The following AFAP1L2 variants were observed in gnomAD, a reference collection of about 807,000 sequenced individuals.
The protein encoded by AFAP1L2 is actin filament-associated protein 1-like 2.
In AFAP1L2, 46 loss-of-function variants were observed where a neutral mutation model predicts 99.3. The observed-to-expected ratio is 0.46, with a 90% confidence interval of 0.37 to 0.59. The LOEUF (loss-of-function observed/expected upper bound fraction) is 0.59. AFAP1L2 is among the 20% of genes least tolerant of loss of function. The probability of loss-of-function intolerance (pLI) is 0.00; values close to 1 mark genes in which losing one functional copy is unlikely to be tolerated. For missense variants in AFAP1L2, 959 were observed against 1,034.9 expected, an observed-to-expected ratio of 0.93 and a Z score of 1.01; for synonymous variants, 397 against 419.1, an observed-to-expected ratio of 0.95 and a Z score of 0.64.
the AFAP1L2 span, among the ~76,000 whole-genome samples, chr10:114,281,972 A>T: frequency 6.7e-6 from 1 of 150,308 alleles, no homozygotes; most frequent in Non-Finnish European, 1.5e-5. Context: ...GGGGTTTTGC[A>T]TGTGGATGTC....
chr10:114,287,843 T>C, the AFAP1L2 span, among the ~76,000 whole-genome samples: 21 of 152,362 alleles, frequency 1.4e-4, 1 homozygote, highest in East Asian at 1.3e-3. Context: ...GATACATCAT[T>C]ATTTAGTGAA....
Position 114,299,336 on chromosome 10 carries a change from C to T in AFAP1L2, c.2037G>A (p.Lys679=), listed in dbSNP as rs41314501. Residue 679 remains lysine (K), a synonymous_variant, in exon 16 of 19, where the codon AAG becomes AAA. Transcript: ENST00000304129. ...TEEKERLEKK[K]EEIRGHLAQL... The stretch of plus-strand genomic sequence containing the variant: ...GAGCCAGGTGCCCCCGGATTTCTTC[C>T]TTCTTCTTTTCAAGCCTCTCCTTCT... 29,800 of 1,614,192 alleles carry T rather than the reference C, an allele frequency of 0.018. 448 individuals carry two copies. Among genetic ancestry groups the T allele is most frequent in the Non-Finnish European group, 0.02 (24,132 of 1,180,020 alleles).
At chr10:114,350,905 C>T (rs2050372777) in intron 1 of AFAP1L2, among the ~76,000 whole-genome samples, 1 of 152,196 alleles carries the variant, frequency 6.6e-6, no homozygotes, top group Admixed American at 6.5e-5. Flanking sequence ...GACAAAGAGG[C>T]TTTGGGTCCC....
intron 1 of AFAP1L2, among the ~76,000 whole-genome samples, chr10:114,387,608 C>T (rs910982171): frequency 1.3e-5 from 2 of 152,158 alleles, no homozygotes; most frequent in Non-Finnish European, 2.9e-5. Flanking sequence ...CTACAAATCC[C>T]CAAGGAAAAA....
At chr10:114,342,777 G>A (rs991577147) in intron 1 of AFAP1L2, among the ~76,000 whole-genome samples, 2 of 152,206 alleles carry the variant, frequency 1.3e-5, no homozygotes, top group East Asian at 1.9e-4. Context: ...TAACGAGTTC[G>A]TGTTGCTTTA....
In AFAP1L2 at chr10:114,374,932, T is replaced by A. The variant is rs899794241; in HGVS notation, c.16+29508A>T. On this transcript the variant is annotated intron_variant, in intron 1 of 18. Coordinates refer to ENST00000304129, the MANE Select transcript of AFAP1L2 (RefSeq NM_001001936.3). ...GCTTTGGTGAGAAGGGAGTTTGTCA[T>A]TAGACCAGACATAACCTGCATATTC... 2.0e-4 allele frequency among the ~76,000 whole-genome samples: 30 copies of A among 152,052 alleles called. 1 individual carries two copies. Among genetic ancestry groups the A allele is most frequent in the African/African-American group, 7.2e-4 (30 of 41,396 alleles).
intron 1 of AFAP1L2, among the ~76,000 whole-genome samples, chr10:114,394,976 C>T (rs906108509): frequency 6.6e-6 from 1 of 152,092 alleles, no homozygotes; most frequent in Non-Finnish European, 1.5e-5. Flanking sequence ...ATGCACGCCA[C>T]GATCCTCAGC....
the AFAP1L2 span, chr10:114,288,919 C>A: frequency 1.3e-6 from 2 of 1,584,680 alleles, no homozygotes; most frequent in Non-Finnish European, 1.7e-6. Context: ...TGCTGAAGCC[C>A]CTCTGCTTGC....
intron 1 of AFAP1L2, among the ~76,000 whole-genome samples, chr10:114,366,876 G>C (rs1328060052): frequency 6.6e-6 from 1 of 152,200 alleles, no homozygotes; most frequent in East Asian, 1.9e-4. Context: ...GCTGAGGCAG[G>C]AGAATCGCTT....
At chr10:114,334,358 T>C (rs1181809148) in intron 2 of AFAP1L2, among the ~76,000 whole-genome samples, 1 of 152,254 alleles carries the variant, frequency 6.6e-6, no homozygotes, top group African/African-American at 2.4e-5. Context: ...CTTGAATTTC[T>C]TCTGCAGCCT....
At chr10:114,371,663 G>A (rs991064531) in intron 1 of AFAP1L2, among the ~76,000 whole-genome samples, 2 of 152,082 alleles carry the variant, frequency 1.3e-5, no homozygotes, top group African/African-American at 4.8e-5. Context: ...CCTGTTGTGG[G>A]GTGGGGGGCT....
the AFAP1L2 span, chr10:114,285,045 C>A: frequency 8.2e-7 from 1 of 1,213,740 alleles, no homozygotes. Flanking sequence ...TCATTGCACG[C>A]CCTTCCAGCT....
At chr10:114,321,975 G>A (rs1166195087) in intron 5 of AFAP1L2, among the ~76,000 whole-genome samples, 1 of 152,150 alleles carries the variant, frequency 6.6e-6, no homozygotes, top group Non-Finnish European at 1.5e-5. Context: ...CACGTGTCAT[G>A]GGAGGGACCT....
intron 1 of AFAP1L2, among the ~76,000 whole-genome samples, chr10:114,402,902 G>C (rs1272151231): frequency 6.6e-6 from 1 of 152,064 alleles, no homozygotes; most frequent in Non-Finnish European, 1.5e-5. Flanking sequence ...AGGCACCCCA[G>C]AGGCCAACAC....
Position 114,297,258 on chromosome 10 carries a change from T to G in AFAP1L2, c.2269A>C (p.Thr757Pro). ...TTCTCCAGGTGGGTGGTGTCCACGG[T>G]GGTGCCTAACGTCACAGGCCCTGCC... ...AEAGPVTLGT[T>P]VDTTHLENVS... Residue 757 changes from threonine to proline, a missense_variant, in exon 17 of 19, where the codon ACC (threonine) becomes CCC (proline). Coordinates refer to ENST00000304129, the MANE Select transcript of AFAP1L2 (RefSeq NM_001001936.3). 3.7e-6 allele frequency: 6 copies of G among 1,607,684 alleles called. No individual in the cohort carries two copies. Among genetic ancestry groups the G allele is most frequent in the Non-Finnish European group, 5.1e-6 (6 of 1,176,408 alleles).
At chr10:114,393,115 C>T (rs188777742) in intron 1 of AFAP1L2, among the ~76,000 whole-genome samples, 16 of 152,278 alleles carry the variant, frequency 1.1e-4, no homozygotes, top group Non-Finnish European at 1.9e-4. Flanking sequence ...AGGAGCACCC[C>T]GTATCCTCTG....
chr10:114,286,612 G>C, the AFAP1L2 span: 32 of 1,055,714 alleles, frequency 3.0e-5, no homozygotes, highest in Non-Finnish European at 4.3e-5. Flanking sequence ...GCCTCTTCTA[G>C]GGGCTGAAAC....
intron 5 of AFAP1L2, among the ~76,000 whole-genome samples, chr10:114,318,892 G>A (rs1255187793): frequency 6.6e-6 from 1 of 152,084 alleles, no homozygotes; most frequent in East Asian, 1.9e-4. Context: ...GGTGGCTCAT[G>A]CCTGTAATTC....
intron 2 of AFAP1L2, among the ~76,000 whole-genome samples, chr10:114,338,798 A>G (rs1032524054): frequency 6.6e-6 from 1 of 152,234 alleles, no homozygotes; most frequent in African/African-American, 2.4e-5. Flanking sequence ...AATGTTCTAT[A>G]TCTTGTTTTG....
Sources: allele counts gnomAD v4.1 joint callset (sites outside exome capture counted in the v4.1 genomes callset), GRCh38; gene constraint gnomAD v4.1.1; transcripts MANE v1.5; gene names NCBI Gene and HGNC (gene_info 2026-07-23, HGNC 2026-07-21).